TBX18: variants seen among roughly 807,000 people sequenced by gnomAD.
TBX18 encodes T-box transcription factor TBX18.
Under a neutral mutation model 55.0 loss-of-function variants are expected in TBX18, and 21 were observed. The ratio of observed to expected loss-of-function variants is 0.38; its 90% CI spans 0.27 to 0.55. The LOEUF is 0.55. TBX18 is among the 20% of genes least tolerant of loss of function. The pLI is 0.73. For synonymous variants in TBX18, 342 were observed against 326.1 expected (o/e 1.05, Z -0.53); for missense variants, 840 against 799.6 (o/e 1.05, Z -0.61).
At chr6:84,749,136 G>A (rs1392429785) in intron 4 of TBX18, among the ~76,000 whole-genome samples, 1 of 152,094 alleles carries the variant, frequency 6.6e-6, no homozygotes, top group Non-Finnish European at 1.5e-5. Flanking sequence ...AGGCTGATGG[G>A]GTAGGGTGAA....
intron 2 of TBX18, 61 bp downstream of exon 2, chr6:84,762,483 A>T (rs1032544432): frequency 1.3e-6 from 2 of 1,579,152 alleles, no homozygotes; most frequent in East Asian, 4.5e-5. Flanking sequence ...TGATTGAGCT[A>T]GAGGTGAGTG....
intron 4 of TBX18, among the ~76,000 whole-genome samples, chr6:84,752,056 A>G (rs1767363156): frequency 6.6e-6 from 1 of 152,172 alleles, no homozygotes; most frequent in Admixed American, 6.5e-5. Context: ...GTGCTCTCTG[A>G]TCTGTTTAGA....
chr6:84,746,679 T>C (rs968802039), intron 5 of TBX18, among the ~76,000 whole-genome samples: 1 of 147,984 alleles, frequency 6.8e-6, no homozygotes, highest in Non-Finnish European at 1.5e-5. Context: ...ATTACATATG[T>C]TATATATAAT....
chr6:84,763,005 C>A, intron 1 of TBX18: 6 of 568,382 alleles, frequency 1.1e-5, no homozygotes. Context: ...GCGCGGGCAG[C>A]GTCCACCCCA....
chr6:84,748,827 G>T lies in TBX18; in HGVS notation c.772-740C>A, dbSNP rs545942518. ...AGAAAAGCTTTTCATGTACAAAGAC[G>T]GGCATCAGATTATTTGTAACAGTAG... On this transcript the variant is annotated intron_variant, in intron 4 of 7. Coordinates refer to ENST00000369663, the MANE Select transcript of TBX18 (RefSeq NM_001080508.3). Among the ~76,000 whole-genome samples the T allele has an allele frequency of 5.9e-5, 9 of 152,164 alleles. No homozygotes were observed. The South Asian group carries it at 1.9e-3, about 32-fold the overall frequency.
chr6:84,750,058 G>A (rs1767302783), intron 4 of TBX18, among the ~76,000 whole-genome samples: 1 of 152,082 alleles, frequency 6.6e-6, no homozygotes, highest in Non-Finnish European at 1.5e-5. Flanking sequence ...GGCCGAGGTG[G>A]GTGGATCACA....
At chr6:84,737,863 CAAT>C (rs1212629023) in intron 7 of TBX18, among the ~76,000 whole-genome samples, 3 of 152,142 alleles carry the variant, frequency 2.0e-5, no homozygotes, top group East Asian at 1.9e-4. Context: ...CCAATCCAAC[CAAT>C]AATAATTATC....
chr6:84,737,372 C>G lies in TBX18; in HGVS notation c.1137G>C (p.Gly379=). 1 of 1,535,200 alleles carries G rather than the reference C, an allele frequency of 6.5e-7. No individual in the cohort carries two copies. Among genetic ancestry groups the G allele is most frequent in the South Asian group, 1.3e-5 (1 of 77,188 alleles). The part of the protein sequence containing the change: ...ASSSTLLQGT[G]NGVPATHPHL... ...GAGGGTGAGTGGCAGGAACGCCATT[C>G]CCAGTACCTTGGAGCAAGGTGGAGG... Residue 379 remains glycine (G), a synonymous_variant, in exon 8 of 8, where the codon GGG becomes GGC. Coordinates refer to ENST00000369663, the MANE Select transcript of TBX18 (RefSeq NM_001080508.3).
In TBX18 at chr6:84,760,344, T is replaced by C. The variant is rs1767615468; in HGVS notation, c.510A>G (p.Pro170=). The C allele has an allele frequency of 6.2e-7, 1 of 1,601,136 alleles. No homozygotes were observed. The highest frequency in any genetic ancestry group is 8.5e-7 in the Non-Finnish European group (1 of 1,172,434). The part of the protein sequence containing the change: ...IITKAGRRMF[P]AMRVKISGLD... ...ATCCAGAGATCTTCACTCTCATTGC[T>C]GGAAACATGCGCCTATTTAAAAAGG... Residue 170 remains proline (P), a synonymous_variant, in exon 3 of 8, where the codon CCA becomes CCG. Coordinates refer to ENST00000369663, the MANE Select transcript of TBX18 (RefSeq NM_001080508.3).
chr6:84,744,746 T>A (rs1425172212), intron 5 of TBX18, among the ~76,000 whole-genome samples: 1 of 152,188 alleles, frequency 6.6e-6, no homozygotes, highest in African/African-American at 2.4e-5. Flanking sequence ...ATCCAACTTC[T>A]ATTTAACAGC....
At position 84,737,145 on chromosome 6, in the gene TBX18, G is replaced by C. The variant is rs773526620; in HGVS notation, c.1364C>G (p.Pro455Arg). 1.9e-6 allele frequency: 3 copies of C among 1,614,188 alleles called. No individual in the cohort carries two copies. The Middle Eastern group carries it at 4.9e-4, about 266-fold the overall frequency. The part of the protein sequence containing the change: ...AGETFAPPRT[P>R]SYVGVSSSTS... ...GCTGCTGCTCACGCCCACATAGGAGGGAGTCCTGGGCGGGGCAAAGGTCTC... is the reference window on the plus strand; with the variant it reads ...GCTGCTGCTCACGCCCACATAGGAGCGAGTCCTGGGCGGGGCAAAGGTCTC... The change falls in exon 8 of 8, where the codon CCC becomes CGC. Residue 455 changes from proline (P) to arginine (R), a missense_variant. Pro to Arg is a moderately radical substitution (Grantham distance 103). Transcript: ENST00000369663.
At position 84,732,525 on chromosome 6, in the gene TBX18, T is replaced by A. The variant is rs1773831163; in HGVS notation, c.*4160A>T. ...CTCGAGGATTTAAATGTATTTTGAA[T>A]GGACTTGGAATGATCTCCATATATT... On this transcript the variant is annotated 3_prime_UTR_variant, in exon 8 of 8. Transcript: ENST00000369663. The A allele has an allele frequency of 6.6e-6, 1 of 152,112 alleles. No homozygotes were observed. Among genetic ancestry groups the A allele is most frequent in the South Asian group, 2.1e-4 (1 of 4,824 alleles). 9.4% of individuals were successfully genotyped at this position (152,112 alleles called of 1,614,324 possible). A position where few individuals can be genotyped will look rare whatever the true frequency, so the allele number is the denominator to read the frequency against.
Position 84,736,650 on chromosome 6 carries a change from G to T in TBX18, c.*35C>A. The T allele has an allele frequency of 6.7e-7, 1 of 1,492,276 alleles. No homozygotes were observed. Among genetic ancestry groups the T allele is most frequent in the South Asian group, 1.4e-5 (1 of 69,534 alleles). The allele number at this position is 1,492,276 out of a possible 1,614,324, so 92.4% of individuals were successfully genotyped here. ...TAAAAAAGAAAAAGAAAATATGTTA[G>T]ACAGATCCAAATGTCATTTAACTTA... On this transcript the variant is annotated 3_prime_UTR_variant, in exon 8 of 8. Transcript: ENST00000369663.
Position 84,764,024 on chromosome 6 carries a change from C to T in TBX18, c.158G>A (p.Gly53Glu), listed in dbSNP as rs2127883603. 1 of 1,556,136 alleles carries T rather than the reference C, an allele frequency of 6.4e-7. No individual in the cohort carries two copies. Among genetic ancestry groups the T allele is most frequent in the Non-Finnish European group, 8.7e-7 (1 of 1,153,950 alleles). ...AEEAAGAVDD[G>E]GCSRGGGAGE... ...CGCGCCGCCGCCGCGGCTGCAGCCTCCGTCGTCCACGGCCCCCGCCGCCTC... is the reference window on the plus strand; with the variant it reads ...CGCGCCGCCGCCGCGGCTGCAGCCTTCGTCGTCCACGGCCCCCGCCGCCTC... Residue 53 changes from glycine (G) to glutamate (E), a missense_variant, in exon 1 of 8, where the codon GGA (glycine) becomes GAA (glutamate). Transcript: ENST00000369663.
rs751378511 is a variant in TBX18 at position 84,763,977 on chromosome 6, C to T, written c.205G>A (p.Gly69Arg). Reference protein sequence around the residue: ...GGAGEKGSSEGDEGAALPPPA... With the variant: ...GGAGEKGSSERDEGAALPPPA... The stretch of plus-strand genomic sequence containing the variant: ...GGCGGGAGCGCAGCGCCTTCGTCTC[C>T]CTCAGAAGAACCCTTTTCGCCCGCG... The change falls in exon 1 of 8, where the codon GGA becomes AGA. Residue 69 changes from glycine to arginine, a missense_variant. Physicochemically the swap from Gly to Arg is moderately radical, Grantham distance 125. Transcript: ENST00000369663. The T allele has an allele frequency of 1.0e-4, 166 of 1,582,502 alleles. No individual in the cohort carries two copies. The highest frequency in any genetic ancestry group is 1.9e-4 in the Admixed American group (11 of 57,936).
At chr6:84,758,459 T>C (rs534277045) in intron 3 of TBX18, among the ~76,000 whole-genome samples, 1 of 151,688 alleles carries the variant, frequency 6.6e-6, no homozygotes, top group South Asian at 2.1e-4. Context: ...TTTTAAGTGG[T>C]ATGATGTAAT....
intron 4 of TBX18, among the ~76,000 whole-genome samples, chr6:84,756,218 T>C (rs1363012017): frequency 6.6e-6 from 1 of 152,228 alleles, no homozygotes; most frequent in African/African-American, 2.4e-5. Context: ...TTGTAACATT[T>C]TGACACATTA....
chr6:84,735,133 A>C lies in TBX18; in HGVS notation c.*1552T>G, dbSNP rs1253023360. On this transcript the variant is annotated 3_prime_UTR_variant, in exon 8 of 8. Coordinates refer to ENST00000369663, the MANE Select transcript of TBX18 (RefSeq NM_001080508.3). ...GTTAAAGCAACTCTTTTTAGCAATG[A>C]GAGAAAATCATGCTCTTTTGCTTAA... 1.3e-5 allele frequency: 2 copies of C among 152,198 alleles called. No individual in the cohort carries two copies. Among genetic ancestry groups the C allele is most frequent in the Non-Finnish European group, 2.9e-5 (2 of 68,024 alleles). The allele number at this position is 152,198 out of a possible 1,614,324, so 9.4% of individuals were successfully genotyped here.
chr6:84,740,516 T>C (rs1562257337), intron 6 of TBX18, among the ~76,000 whole-genome samples: 1 of 152,204 alleles, frequency 6.6e-6, no homozygotes, highest in Non-Finnish European at 1.5e-5. Flanking sequence ...TGCCACTTGA[T>C]AGTATTTTCT....
Sources: allele counts gnomAD v4.1 joint callset (sites outside exome capture counted in the v4.1 genomes callset), GRCh38; gene constraint gnomAD v4.1.1; transcripts MANE v1.5; gene names NCBI Gene and HGNC (gene_info 2026-07-23, HGNC 2026-07-21).